Variants in ADAM12 observed in about 807,000 individuals in gnomAD.
ADAM12 encodes disintegrin and metalloproteinase domain-containing protein 12.
ADAM12 carries 70 observed loss-of-function variants against 106.4 expected under a neutral mutation model. That is an observed-to-expected ratio of 0.66 (90% CI 0.54 to 0.80). ADAM12 has a LOEUF of 0.80. Among genes scored for constraint, ADAM12 ranks in the 30% least tolerant of loss-of-function variants. The pLI is 0.00. For synonymous variants in ADAM12, 420 were observed against 433.5 expected (o/e 0.97, Z 0.39); for missense variants, 1,010 against 1,171.9 (o/e 0.86, Z 2.02).
chr10:126,157,030 T>G (rs114416200), intron 3 of ADAM12, among the ~76,000 whole-genome samples: 26,795 of 151,398 alleles, frequency 0.18, 2,951 homozygotes, highest in East Asian at 0.47. Flanking sequence ...TGTGTGTGTG[T>G]GTGGGGGGGT....
In ADAM12 at chr10:126,015,729, C is replaced by G. The variant is rs1953650250; in HGVS notation, c.*1550G>C. On this transcript the variant is annotated 3_prime_UTR_variant, in exon 23 of 23. Coordinates refer to ENST00000448723, the MANE Select transcript of ADAM12 (RefSeq NM_001288973.2). ...TTTCAAAGCATAGGAAAACTGTTGA[C>G]CCCCAAAAGAAGGCTTTCTCATAAA... The G allele has an allele frequency of 6.6e-6, 1 of 152,162 alleles. No homozygotes were observed. Among genetic ancestry groups the G allele is most frequent in the Admixed American group, 6.5e-5 (1 of 15,276 alleles). 9.4% of individuals were successfully genotyped at this position (152,162 alleles called of 1,614,324 possible).
At chr10:126,194,461 C>T (rs374257997) in intron 3 of ADAM12, among the ~76,000 whole-genome samples, 3 of 152,124 alleles carry the variant, frequency 2.0e-5, no homozygotes, top group African/African-American at 7.2e-5. Context: ...ACAAATAAAA[C>T]GTGATTTAAT....
At chr10:126,335,526 T>C (rs934583177) in intron 1 of ADAM12, among the ~76,000 whole-genome samples, 5 of 152,194 alleles carry the variant, frequency 3.3e-5, no homozygotes, top group Non-Finnish European at 7.3e-5. Context: ...GAGCAGCTCC[T>C]TGTCTCAGGG....
intron 2 of ADAM12, among the ~76,000 whole-genome samples, chr10:126,318,048 AG>A (rs1853948545): frequency 6.6e-6 from 1 of 152,204 alleles, no homozygotes; most frequent in Admixed American, 6.5e-5. Flanking sequence ...ACTGCCCAGT[AG>A]CAGTGAGCCT....
At chr10:126,317,670 A>G (rs1392182556) in intron 2 of ADAM12, among the ~76,000 whole-genome samples, 1 of 152,104 alleles carries the variant, frequency 6.6e-6, no homozygotes, top group Non-Finnish European at 1.5e-5. Context: ...TAAGTAATTG[A>G]TTTAACTTAT....
intron 2 of ADAM12, among the ~76,000 whole-genome samples, chr10:126,330,016 C>T (rs2133850317): frequency 6.6e-6 from 1 of 152,270 alleles, no homozygotes; most frequent in African/African-American, 2.4e-5. Context: ...TGCATTAAAA[C>T]TCATGACAAA....
At chr10:126,110,286 T>C (rs776404668) in intron 6 of ADAM12, among the ~76,000 whole-genome samples, 12 of 152,136 alleles carry the variant, frequency 7.9e-5, no homozygotes, top group Non-Finnish European at 1.2e-4. Context: ...GCTGTTCCCT[T>C]TGTCTTTATG....
intron 3 of ADAM12, among the ~76,000 whole-genome samples, chr10:126,161,678 C>T (rs568806059): frequency 6.6e-6 from 1 of 152,152 alleles, no homozygotes; most frequent in Non-Finnish European, 1.5e-5. Context: ...ATGGATGAAA[C>T]TGAGAAGGCG....
chr10:126,092,617 G>A (rs932352353), intron 11 of ADAM12, among the ~76,000 whole-genome samples: 3 of 152,144 alleles, frequency 2.0e-5, no homozygotes, highest in African/African-American at 7.2e-5. Context: ...TTGACTTTGT[G>A]TACAGATCCT....
chr10:126,354,150 C>A (rs1054252297), intron 1 of ADAM12, among the ~76,000 whole-genome samples: 21 of 151,248 alleles, frequency 1.4e-4, no homozygotes, highest in African/African-American at 4.9e-4. Flanking sequence ...TGGTGTCTAT[C>A]TTTGGACAAG....
At chr10:126,227,251 T>C (rs916803754) in intron 3 of ADAM12, among the ~76,000 whole-genome samples, 4 of 152,050 alleles carry the variant, frequency 2.6e-5, no homozygotes, top group African/African-American at 9.7e-5. Context: ...TACCACATCA[T>C]CACCATCGCC....
At chr10:126,118,265 A>T in intron 5 of ADAM12, 41 bp from the exon 6 acceptor site, 1 of 1,480,728 alleles carries the variant, frequency 6.8e-7, no homozygotes, top group Non-Finnish European at 9.2e-7. Context: ...AATTTTAAGG[A>T]CAGCTTCTTG....
chr10:126,365,377 TA>T (rs1258030378), intron 1 of ADAM12, among the ~76,000 whole-genome samples: 1 of 152,086 alleles, frequency 6.6e-6, no homozygotes, highest in South Asian at 2.1e-4. Flanking sequence ...TAATAATTGG[TA>T]ACAATAATGC....
Position 126,118,227 on chromosome 10 carries a change from G to A in ADAM12, c.417-3C>T, listed in dbSNP as rs750332798. ...CATTTTCAAACACAATAAGTCCCCT[G>A]TTGAAAAAGAAACAAGAAAAAATAT... On this transcript the variant is annotated splice_polypyrimidine_tract_variant and splice_region_variant and intron_variant, in intron 5 of 22. Coordinates refer to ENST00000448723, the MANE Select transcript of ADAM12 (RefSeq NM_001288973.2). The A allele has an allele frequency of 9.3e-6, 15 of 1,606,544 alleles. No individual in the cohort carries two copies. Among genetic ancestry groups the A allele is most frequent in the Middle Eastern group, 1.7e-4 (1 of 6,036 alleles).
intron 2 of ADAM12, among the ~76,000 whole-genome samples, chr10:126,309,158 C>T (rs764280595): frequency 6.6e-6 from 1 of 152,126 alleles, no homozygotes; most frequent in Non-Finnish European, 1.5e-5. Flanking sequence ...CTACATTGAT[C>T]GTTTCAAATG....
chr10:126,163,604 G>A (rs1956974841), intron 3 of ADAM12, among the ~76,000 whole-genome samples: 1 of 152,158 alleles, frequency 6.6e-6, no homozygotes, highest in Non-Finnish European at 1.5e-5. Context: ...TAGTTACACA[G>A]TTTGAATGAG....
Position 126,334,693 on chromosome 10 carries a change from T to G in ADAM12, c.89-4184A>C, listed in dbSNP as rs563527566. ...GTCACCCAGAGCCTGGCTGCCTGCA[T>G]GAGTCCTGCCCCATCCTTGCTCTAG... On this transcript the variant is annotated intron_variant, in intron 1 of 22. Coordinates refer to ENST00000448723, the MANE Select transcript of ADAM12 (RefSeq NM_001288973.2). Among the ~76,000 whole-genome samples, 31 of 152,288 alleles carry G rather than the reference T, an allele frequency of 2.0e-4. 1 individual carries two copies. The South Asian group carries it at 5.4e-3, about 26-fold the overall frequency.
At chr10:126,387,963 C>A (rs1856734858) in intron 1 of ADAM12, 95 bp downstream of exon 1, 1 of 1,169,646 alleles carries the variant, frequency 8.5e-7, no homozygotes, top group South Asian at 4.2e-5. Flanking sequence ...GGGCGCGTCG[C>A]CCCTCGGGGC....
At chr10:126,310,158 CAAAAA>C (rs35363888) in intron 2 of ADAM12, among the ~76,000 whole-genome samples, 1 of 100,538 alleles carries the variant, frequency 9.9e-6, no homozygotes, top group African/African-American at 3.7e-5. Context: ...GACTCTGTCT[CAAAAA>C]AAAAAAAAAA....
Sources: gnomAD v4.1 joint callset for allele counts (sites outside exome capture counted in the v4.1 genomes callset) on GRCh38, gnomAD v4.1.1 for gene constraint, MANE v1.5 for transcripts, NCBI Gene and HGNC (gene_info 2026-07-23, HGNC 2026-07-21) for gene names.